Variants in UMAD1 observed in about 807,000 individuals in gnomAD.
UMAD1 encodes UBAP1-MVB12-associated (UMA)-domain containing protein 1.
In UMAD1, 8 loss-of-function variants were observed where a neutral mutation model predicts 6.1. That is an observed-to-expected ratio of 1.30 (90% CI 0.76 to 2.35). The LOEUF (loss-of-function observed/expected upper bound fraction) is 2.35, where lower values mean the gene tolerates loss of function less well. Ranked by LOEUF, UMAD1 falls within the 30% of genes most tolerant of loss-of-function variation. UMAD1 has a pLI of 0.00. For synonymous variants in UMAD1, 56 were observed against 31.4 expected (o/e 1.78, Z -2.61); for missense variants, 130 against 78.4 (o/e 1.66, Z -2.49).
At chr7:7,775,469 C>G (rs964206610) in intron 2 of UMAD1, among the ~76,000 whole-genome samples, 1 of 152,196 alleles carries the variant, frequency 6.6e-6, no homozygotes, top group Admixed American at 6.6e-5. Flanking sequence ...TTTCCTGCCA[C>G]CCTTTGAAGA....
intron 2 of UMAD1, among the ~76,000 whole-genome samples, chr7:7,677,356 A>C (rs972744597): frequency 5.9e-5 from 9 of 152,164 alleles, no homozygotes; most frequent in African/African-American, 1.7e-4. Context: ...CTTCTATCTA[A>C]CTGTATTTTT....
intron 3 of UMAD1, among the ~76,000 whole-genome samples, chr7:7,802,224 A>G (rs1782815670): frequency 6.6e-6 from 1 of 152,228 alleles, no homozygotes; most frequent in African/African-American, 2.4e-5. Context: ...CTAAAAATAT[A>G]AAAATTAGCT....
At chr7:7,822,886 T>A (rs900005498) in intron 3 of UMAD1, among the ~76,000 whole-genome samples, 1 of 151,826 alleles carries the variant, frequency 6.6e-6, no homozygotes, top group Non-Finnish European at 1.5e-5. Context: ...TGTTAACAAG[T>A]TTTTTTTAGG....
intron 3 of UMAD1, among the ~76,000 whole-genome samples, chr7:7,858,955 T>C (rs760386133): frequency 1.3e-5 from 2 of 152,156 alleles, no homozygotes; most frequent in Non-Finnish European, 2.9e-5. Context: ...CAAAAAATTT[T>C]AAAGAACACA....
chr7:7,758,082 A>T (rs903583934), intron 2 of UMAD1, among the ~76,000 whole-genome samples: 3 of 151,822 alleles, frequency 2.0e-5, no homozygotes, highest in South Asian at 2.1e-4. Flanking sequence ...TATTATTATT[A>T]TTTTTAATTA....
chr7:7,662,638 G>A (rs1785504344), intron 1 of UMAD1, among the ~76,000 whole-genome samples: 1 of 152,088 alleles, frequency 6.6e-6, no homozygotes, highest in Non-Finnish European at 1.5e-5. Context: ...CCCTCCTTGG[G>A]CTGCACCCAC....
At chr7:7,711,672 C>A (rs1489858284) in intron 2 of UMAD1, among the ~76,000 whole-genome samples, 1 of 151,974 alleles carries the variant, frequency 6.6e-6, no homozygotes, top group Middle Eastern at 3.2e-3. Context: ...CACTATTGAT[C>A]TCTTTTCCCT....
Position 7,841,495 on chromosome 7 carries a change from G to A in UMAD1, c.157-35786G>A, listed in dbSNP as rs531249663. 1.1e-3 allele frequency among the ~76,000 whole-genome samples: 169 copies of A among 152,056 alleles called. 2 individuals carry two copies. The highest frequency in any genetic ancestry group is 1.8e-4 in the Non-Finnish European group (12 of 67,948). On this transcript the variant is annotated intron_variant, in intron 3 of 3. Transcript: ENST00000682710. ...ATTTTTGTATTTTTTGTAGAGTTGG[G>A]TTCTCCTTATGTTGCTCAGGCAGGT...
intron 2 of UMAD1, among the ~76,000 whole-genome samples, chr7:7,794,108 A>G (rs1782622165): frequency 6.6e-6 from 1 of 152,208 alleles, no homozygotes; most frequent in Non-Finnish European, 1.5e-5. Flanking sequence ...TGTTTCATAG[A>G]TTGCATTCTC....
chr7:7,760,414 AT>A (rs1781863536), intron 2 of UMAD1, among the ~76,000 whole-genome samples: 1 of 52,798 alleles, frequency 1.9e-5, no homozygotes, highest in African/African-American at 9.7e-5. Context: ...AAAATACAAA[AT>A]AATAATAATA....
intron 2 of UMAD1, chr7:7,736,630 A>T (rs1418551923): frequency 2.0e-5 from 3 of 152,088 alleles, no homozygotes; most frequent in African/African-American, 7.2e-5. Context: ...TCTTCATCTT[A>T]TTTACTAAAA....
chr7:7,750,513 G>C (rs924656533), intron 2 of UMAD1, among the ~76,000 whole-genome samples: 2 of 152,120 alleles, frequency 1.3e-5, no homozygotes, highest in East Asian at 3.8e-4. Flanking sequence ...CTGATTTCTT[G>C]ATTATAGCTT....
chr7:7,708,142 C>T (rs1780652751), intron 2 of UMAD1, among the ~76,000 whole-genome samples: 1 of 152,200 alleles, frequency 6.6e-6, no homozygotes, highest in Non-Finnish European at 1.5e-5. Context: ...TCTGCTGCGA[C>T]ATCCACGCCA....
rs1780712202 is a variant in UMAD1, at chr7:7,710,002, A to G, written c.82+36549A>G. Among the ~76,000 whole-genome samples, 4 of 152,204 alleles carry G rather than the reference A, an allele frequency of 2.6e-5. No homozygotes were observed. In the South Asian group the frequency reaches 8.3e-4, roughly 31 times the overall value. ...ATATTTTTCATATGTGTAGTTTTGTATGTTTTACAACCATATATAAATCGA... is the reference window on the plus strand; with the variant it reads ...ATATTTTTCATATGTGTAGTTTTGTGTGTTTTACAACCATATATAAATCGA... On this transcript the variant is annotated intron_variant, in intron 2 of 3. Coordinates refer to ENST00000682710, the MANE Select transcript of UMAD1 (RefSeq NM_001302348.2).
At chr7:7,719,141 A>G (rs754667054) in intron 2 of UMAD1, among the ~76,000 whole-genome samples, 2 of 152,134 alleles carry the variant, frequency 1.3e-5, no homozygotes, top group Non-Finnish European at 2.9e-5. Flanking sequence ...TGGTTTAGAG[A>G]GCTAAAAACA....
At chr7:7,782,671 G>A (rs960284194) in intron 2 of UMAD1, among the ~76,000 whole-genome samples, 3 of 150,294 alleles carry the variant, frequency 2.0e-5, no homozygotes, top group African/African-American at 7.4e-5. Context: ...GTTAATCCAC[G>A]TTATTGACCG....
At position 7,720,134 on chromosome 7, in the gene UMAD1, A is replaced by G. The variant is rs565769849; in HGVS notation, c.82+46681A>G. ...CAGTCACAAGTATTATTTCAAATGT[A>G]TAGTTCAGAAGTAGAATACTTAGAA... On this transcript the variant is annotated intron_variant, in intron 2 of 3. Transcript: ENST00000682710. Among the ~76,000 whole-genome samples the G allele has an allele frequency of 6.6e-5, 10 of 152,242 alleles. No homozygotes were observed. In the East Asian group the frequency reaches 7.7e-4, roughly 12 times the overall value.
At chr7:7,786,157 C>G (rs1454183367) in intron 2 of UMAD1, among the ~76,000 whole-genome samples, 1 of 152,110 alleles carries the variant, frequency 6.6e-6, no homozygotes. Flanking sequence ...CCAGTGATGT[C>G]CTTTACAGCA....
In UMAD1 at chr7:7,739,592, CTGTT is replaced by C. The variant is rs199884800; in HGVS notation, c.83-62075_83-62072del. Among the ~76,000 whole-genome samples the C allele has an allele frequency of 8.1e-4, 123 of 152,258 alleles. 3 individuals carry two copies. In the East Asian group the frequency reaches 0.017, roughly 21 times the overall value. ...TCAAGATCTATTTTTCTCAAGGAAA[CTGTT>C]TGATGTTCCTAGTGACGTAACAAAT... is the stretch of plus-strand genomic sequence containing the variant. On this transcript the variant is annotated intron_variant, in intron 2 of 3. Transcript: ENST00000682710.
Sources: gnomAD v4.1 joint callset for allele counts (sites outside exome capture counted in the v4.1 genomes callset) on GRCh38, gnomAD v4.1.1 for gene constraint, MANE v1.5 for transcripts, NCBI Gene and HGNC (gene_info 2026-07-23, HGNC 2026-07-21) for gene names.